The following TULP4 variants were observed in gnomAD, a reference collection of about 807,000 sequenced individuals.
TULP4 encodes tubby-related protein 4.
A neutral mutation model predicts 129.0 loss-of-function variants in TULP4; 16 were observed. That is an observed-to-expected ratio of 0.12 (90% confidence interval 0.08 to 0.19). The LOEUF (loss-of-function observed/expected upper bound fraction) is 0.19, where lower values mean the gene tolerates loss of function less well. Among genes scored for constraint, TULP4 ranks in the 10% least tolerant of loss-of-function variants. The pLI is 1.00. For missense variants in TULP4, 1,842 were observed against 2,059.1 expected (o/e 0.89, Z 2.04); for synonymous variants, 998 against 854.0 (o/e 1.17, Z -2.94).
intron 2 of TULP4, among the ~76,000 whole-genome samples, chr6:158,424,455 G>T (rs531425676): frequency 6.6e-6 from 1 of 151,994 alleles, no homozygotes; most frequent in Non-Finnish European, 1.5e-5. Context: ...TCACCATGTT[G>T]GACAGGCTGG....
intron 1 of TULP4, among the ~76,000 whole-genome samples, chr6:158,388,631 A>G (rs1777512203): frequency 6.9e-6 from 1 of 144,784 alleles, no homozygotes; most frequent in Admixed American, 7.0e-5. Context: ...GCCCGGCCTA[A>G]TAATCTGCTC....
Position 158,345,086 on chromosome 6 carries a change from G to T in TULP4, c.252+30818G>T, listed in dbSNP as rs9457356. Among the ~76,000 whole-genome samples, 843 of 152,310 alleles carry T rather than the reference G, an allele frequency of 5.5e-3. 7 individuals carry two copies. Among genetic ancestry groups the T allele is most frequent in the African/African-American group, 0.019 (774 of 41,560 alleles). Reference sequence around the variant, plus strand: ...GAATGTCCTAACTCTCTTTAATTCTGTGAAGGCTGAGAGAGGTGAGGAAAC... The same window carrying T: ...GAATGTCCTAACTCTCTTTAATTCTTTGAAGGCTGAGAGAGGTGAGGAAAC... On this transcript the variant is annotated intron_variant, in intron 1 of 13. Coordinates refer to ENST00000367097, the MANE Select transcript of TULP4 (RefSeq NM_020245.5).
At chr6:158,501,142 GT>G (rs1158361417) in intron 12 of TULP4, among the ~76,000 whole-genome samples, 1 of 151,940 alleles carries the variant, frequency 6.6e-6, no homozygotes, top group Non-Finnish European at 1.5e-5. Context: ...TCTTTTCATT[GT>G]TTTTTCTACC....
chr6:158,276,056 G>A (rs1245628297), intron 1 of TULP4, among the ~76,000 whole-genome samples: 1 of 151,950 alleles, frequency 6.6e-6, no homozygotes, highest in Non-Finnish European at 1.5e-5. Context: ...TGCAACCTCC[G>A]CTGCAAGAGT....
At chr6:158,307,745 T>C (rs1223945617), upstream of TULP4, among the ~76,000 whole-genome samples, 1 of 152,148 alleles carries the variant, frequency 6.6e-6, no homozygotes, top group Non-Finnish European at 1.5e-5. Context: ...CCTCCCAAAG[T>C]CTTGTACCTT....
intron 1 of TULP4, chr6:158,242,858 C>T (rs1304346932): frequency 4.7e-6 from 1 of 211,204 alleles, no homozygotes; most frequent in Non-Finnish European, 9.5e-6. Context: ...AATCTTGGCT[C>T]ACTGCAACCT....
At position 158,481,294 on chromosome 6, in the gene TULP4, G is replaced by T; in HGVS notation, c.1486+5G>T. On this transcript the variant is annotated splice_donor_5th_base_variant and intron_variant, in intron 8 of 13. Transcript: ENST00000367097. ...CGCGGACAGATAGCAAACCAGGTGG[G>T]CCCCTCACCCGAGGGACTGGGACCT... is the stretch of plus-strand genomic sequence containing the variant. 1 of 1,611,080 alleles carries T rather than the reference G, an allele frequency of 6.2e-7. No homozygotes were observed. The highest frequency in any genetic ancestry group is 8.5e-7 in the Non-Finnish European group (1 of 1,178,630).
chr6:158,269,380 TAAAAAAA>T (rs10583634), intron 1 of TULP4, among the ~76,000 whole-genome samples: 6 of 131,076 alleles, frequency 4.6e-5, no homozygotes, highest in Non-Finnish European at 8.1e-5. Context: ...TCAGCATTTG[TAAAAAAA>T]AAAAAAAAAA....
intron 1 of TULP4, among the ~76,000 whole-genome samples, chr6:158,340,930 GCT>G (rs1780165286): frequency 6.6e-6 from 1 of 152,126 alleles, no homozygotes; most frequent in African/African-American, 2.4e-5. Flanking sequence ...GAATTTTAAG[GCT>G]CTCTCTGTTT....
At position 158,501,679 on chromosome 6, in the gene TULP4, G is replaced by A; in HGVS notation, c.2016G>A (p.Val672=). Residue 672 remains valine, a splice_region_variant and synonymous_variant, in exon 13 of 14, where the codon GTG becomes GTA. Coordinates refer to ENST00000367097, the MANE Select transcript of TULP4 (RefSeq NM_020245.5). ...TTCCTTTTTCTAATTTTCTTCCAGT[G>A]ACAGGAGCATCTGGTGTCCCTGAGA... The part of the protein sequence containing the change: ...VFSEDEDDLP[V]TGASGVPENS... 2 of 1,602,596 alleles carry A rather than the reference G, an allele frequency of 1.2e-6. No homozygotes were observed. Among genetic ancestry groups the A allele is most frequent in the Non-Finnish European group, 1.7e-6 (2 of 1,171,256 alleles).
chr6:158,358,029 G>T (rs2114824956), intron 1 of TULP4, among the ~76,000 whole-genome samples: 1 of 152,250 alleles, frequency 6.6e-6, no homozygotes, highest in Admixed American at 6.5e-5. Flanking sequence ...GTGCTCTGTG[G>T]GTTAACTCAG....
chr6:158,293,125 T>G (rs1778973387), intron 1 of TULP4, among the ~76,000 whole-genome samples: 1 of 152,226 alleles, frequency 6.6e-6, no homozygotes, highest in South Asian at 2.1e-4. Context: ...CTCCTCTCTC[T>G]GTACAGATAA....
At chr6:158,262,355 T>G (rs1157633219) in intron 1 of TULP4, among the ~76,000 whole-genome samples, 1 of 152,084 alleles carries the variant, frequency 6.6e-6, no homozygotes, top group East Asian at 1.9e-4. Flanking sequence ...GCTCCTTAGG[T>G]TCAAGTAACT....
chr6:158,498,028 A>T (rs980198678), intron 11 of TULP4, among the ~76,000 whole-genome samples: 2 of 152,244 alleles, frequency 1.3e-5, no homozygotes, highest in East Asian at 3.8e-4. Context: ...TTTAGTTGCA[A>T]TCTAGGCCTT....
intron 1 of TULP4, among the ~76,000 whole-genome samples, chr6:158,364,042 A>T (rs548280733): frequency 1.3e-5 from 2 of 152,370 alleles, no homozygotes; most frequent in South Asian, 4.1e-4. Context: ...AATAGAACGT[A>T]TCACTGAGAG....
At chr6:158,302,855 G>A (rs1451085338) in intron 1 of TULP4, among the ~76,000 whole-genome samples, 2 of 151,854 alleles carry the variant, frequency 1.3e-5, no homozygotes, top group African/African-American at 4.8e-5. Context: ...CCAAATATTA[G>A]TGGAGATTGG....
Position 158,503,305 on chromosome 6 carries a change from C to T in TULP4, c.3642C>T (p.Ser1214=), listed in dbSNP as rs191900982. The change falls in exon 13 of 14, where the codon TCC becomes TCT. Residue 1214 remains serine (S), a synonymous_variant. Transcript: ENST00000367097. This position sits in a 1 kb window ranked among gnomAD's most constrained non-coding sequence, Gnocchi z 4.3. The part of the protein sequence containing the change: ...QAPCSPKDAL[S]PTQFAQQEPA... ...CCTGCTCTCCCAAAGATGCCCTGTC[C>T]CCAACGCAGTTTGCACAACAGGAGC... The T allele has an allele frequency of 1.9e-6, 3 of 1,613,842 alleles. No individual in the cohort carries two copies. Among genetic ancestry groups the T allele is most frequent in the Admixed American group, 3.3e-5 (2 of 60,012 alleles).
chr6:158,411,803 G>A (rs1464632246), intron 1 of TULP4, among the ~76,000 whole-genome samples: 1 of 152,164 alleles, frequency 6.6e-6, no homozygotes, highest in Non-Finnish European at 1.5e-5. Flanking sequence ...GGGTTTATGT[G>A]TTGGTCTGAA....
intron 1 of TULP4, among the ~76,000 whole-genome samples, chr6:158,378,137 AG>A (rs1386375949): frequency 6.6e-6 from 1 of 152,142 alleles, no homozygotes; most frequent in Non-Finnish European, 1.5e-5. Context: ...AAGCCCATTA[AG>A]TTCTCTGAAG....
Sources: allele counts gnomAD v4.1 joint callset (sites outside exome capture counted in the v4.1 genomes callset), GRCh38; gene constraint gnomAD v4.1.1; non-coding constraint Gnocchi (gnomAD v3.1); transcripts MANE v1.5; gene names NCBI Gene and HGNC (gene_info 2026-07-23, HGNC 2026-07-21).